The following BNC2 variants were observed in gnomAD, a reference collection of about 807,000 sequenced individuals.
The protein encoded by BNC2 is zinc finger protein basonuclin-2.
A neutral mutation model predicts 76.3 loss-of-function variants in BNC2; 20 were observed. The observed-to-expected ratio is 0.26, with a 90% CI of 0.18 to 0.38. The LOEUF (loss-of-function observed/expected upper bound fraction) is 0.38, where lower values mean the gene tolerates loss of function less well. BNC2 is among the 10% of genes least tolerant of loss of function. The pLI is 1.00. For missense variants in BNC2, 1,382 were observed against 1,399.8 expected, an observed-to-expected ratio of 0.99 and a Z score of 0.20; for synonymous variants, 582 against 514.8, an observed-to-expected ratio of 1.13 and a Z score of -1.77.
intron 1 of BNC2, among the ~76,000 whole-genome samples, chr9:16,791,867 C>T (rs12380481): frequency 0.11 from 17,429 of 152,154 alleles, 1,235 homozygotes; most frequent in Admixed American, 0.23. Context: ...CTTTGGGAAG[C>T]CAAGGCAGGT....
At chr9:16,637,190 A>G (rs1303647715) in intron 3 of BNC2, among the ~76,000 whole-genome samples, 1 of 152,170 alleles carries the variant, frequency 6.6e-6, no homozygotes, top group Non-Finnish European at 1.5e-5. Flanking sequence ...AAAATTACTC[A>G]ATAACAATCC....
At chr9:16,591,800 G>C (rs1044416113) in intron 3 of BNC2, among the ~76,000 whole-genome samples, 4 of 152,020 alleles carry the variant, frequency 2.6e-5, no homozygotes, top group African/African-American at 9.7e-5. Context: ...TCTCTTATTT[G>C]GTGGTAACCA....
chr9:16,587,012 C>T (rs1819791334), intron 3 of BNC2, among the ~76,000 whole-genome samples: 1 of 152,120 alleles, frequency 6.6e-6, no homozygotes, highest in Admixed American at 6.5e-5. Context: ...AGACACTGTG[C>T]TACAGAGTTT....
chr9:16,847,119 T>G (rs971381994), intron 1 of BNC2, among the ~76,000 whole-genome samples: 1 of 152,146 alleles, frequency 6.6e-6, no homozygotes, highest in African/African-American at 2.4e-5. Flanking sequence ...TGTGAAGATG[T>G]ATGCTGCGGT....
intron 1 of BNC2, among the ~76,000 whole-genome samples, chr9:16,751,652 A>ATATATATGTATATATATGAGTG (rs775227367): frequency 1.1e-5 from 1 of 86,958 alleles, no homozygotes; most frequent in Non-Finnish European, 1.8e-5. Flanking sequence ...GTATGTGTGT[A>ATATATATGTATATATATGAGTG]TATATATATG....
rs1821009788 is a variant in BNC2, at chr9:16,436,209, T to C, written c.1985A>G (p.Asp662Gly). The C allele has an allele frequency of 1.2e-6, 2 of 1,614,074 alleles. No individual in the cohort carries two copies. Among genetic ancestry groups the C allele is most frequent in the Non-Finnish European group, 1.7e-6 (2 of 1,180,008 alleles). Reference protein sequence around the residue: ...EFDDEDDDPNDGGAVVNDMSH... With the variant: ...EFDDEDDDPNGGGAVVNDMSH... ...CATGTCATTGACCACAGCTCCACCATCATTGGGGTCATCATCTTCATCATC... is the reference window on the plus strand; with the variant it reads ...CATGTCATTGACCACAGCTCCACCACCATTGGGGTCATCATCTTCATCATC... The change falls in exon 6 of 7, where the codon GAT becomes GGT. Residue 662 changes from aspartate to glycine, a missense_variant. Asp to Gly is a moderately conservative substitution (Grantham distance 94). Transcript: ENST00000380672.
At chr9:16,595,238 T>C (rs1820033991) in intron 3 of BNC2, among the ~76,000 whole-genome samples, 1 of 152,164 alleles carries the variant, frequency 6.6e-6, no homozygotes, top group South Asian at 2.1e-4. Context: ...AACATTTTAA[T>C]ACCTTCTATT....
intron 1 of BNC2, among the ~76,000 whole-genome samples, chr9:16,865,967 T>C (rs1427417992): frequency 6.6e-6 from 1 of 152,150 alleles, no homozygotes; most frequent in Non-Finnish European, 1.5e-5. Flanking sequence ...ATAAAGACTT[T>C]TATTGGCTAG....
At chr9:16,575,049 G>A (rs941114895) in intron 4 of BNC2, among the ~76,000 whole-genome samples, 1 of 152,178 alleles carries the variant, frequency 6.6e-6, no homozygotes, top group Non-Finnish European at 1.5e-5. Flanking sequence ...CTTATTAAGT[G>A]TATACTATGT....
chr9:16,504,048 G>A (rs746683070), intron 5 of BNC2, among the ~76,000 whole-genome samples: 4 of 151,894 alleles, frequency 2.6e-5, no homozygotes, highest in Admixed American at 6.6e-5. Flanking sequence ...CAGGCAAGTC[G>A]GAATCCATAT....
chr9:16,636,251 GGTCTGACCATCCATA>G, intron 3 of BNC2, among the ~76,000 whole-genome samples: 1 of 152,020 alleles, frequency 6.6e-6, no homozygotes, highest in South Asian at 2.1e-4. Context: ...AAAATAAGAA[GGTCTGACCATCCATA>G]GTTCATGGTT....
intron 5 of BNC2, among the ~76,000 whole-genome samples, chr9:16,447,890 C>T (rs1182028638): frequency 1.3e-5 from 2 of 151,968 alleles, no homozygotes; most frequent in African/African-American, 4.8e-5. Flanking sequence ...TACAGAAGAC[C>T]CTCACCTCAA....
intron 1 of BNC2, among the ~76,000 whole-genome samples, chr9:16,804,524 C>T (rs547363998): frequency 1.2e-4 from 18 of 152,260 alleles, no homozygotes; most frequent in African/African-American, 3.6e-4. Flanking sequence ...AGCACATGAC[C>T]GCTCATGAAA....
At position 16,611,626 on chromosome 9, in the gene BNC2, A is replaced by G. The variant is rs181976640; in HGVS notation, c.331-28541T>C. ...CAACAACAAAAAAATTCAAGGTAAAAAAAAGGTCTCACTTTACACTCTGAT... is the reference window on the plus strand; with the variant it reads ...CAACAACAAAAAAATTCAAGGTAAAGAAAAGGTCTCACTTTACACTCTGAT... On this transcript the variant is annotated intron_variant, in intron 3 of 6. Coordinates refer to ENST00000380672, the MANE Select transcript of BNC2 (RefSeq NM_017637.6). Among the ~76,000 whole-genome samples, 2 of 152,280 alleles carry G rather than the reference A, an allele frequency of 1.3e-5. 1 individual carries two copies. The highest frequency in any genetic ancestry group is 3.9e-4 in the East Asian group (2 of 5,178).
intron 3 of BNC2, among the ~76,000 whole-genome samples, chr9:16,706,961 G>C (rs367782499): frequency 6.6e-6 from 1 of 152,228 alleles, no homozygotes; most frequent in African/African-American, 2.4e-5. Flanking sequence ...CCAGCACTTT[G>C]GGAGGCCGAG....
chr9:16,510,422 A>T (rs1346757919), intron 5 of BNC2, among the ~76,000 whole-genome samples: 2 of 152,192 alleles, frequency 1.3e-5, no homozygotes, highest in African/African-American at 2.4e-5. Flanking sequence ...ATTAGGATAT[A>T]AAAAGGCAGG....
intron 1 of BNC2, among the ~76,000 whole-genome samples, chr9:16,799,806 G>A (rs1483522844): frequency 1.3e-5 from 2 of 152,028 alleles, no homozygotes; most frequent in Non-Finnish European, 2.9e-5. Flanking sequence ...GAATATAAGC[G>A]GTAACCTTGT....
chr9:16,484,884 T>C (rs1822128978), intron 5 of BNC2, among the ~76,000 whole-genome samples: 1 of 152,066 alleles, frequency 6.6e-6, no homozygotes, highest in Non-Finnish European at 1.5e-5. Flanking sequence ...ATGGGGGAGA[T>C]TACTAATAGG....
intron 4 of BNC2, among the ~76,000 whole-genome samples, chr9:16,556,935 A>T (rs1694871202): frequency 1.3e-5 from 2 of 152,144 alleles, no homozygotes; most frequent in Admixed American, 1.3e-4. Context: ...TATCCATGGA[A>T]CTATGATACA....
Sources: allele counts gnomAD v4.1 joint callset (sites outside exome capture counted in the v4.1 genomes callset), GRCh38; gene constraint gnomAD v4.1.1; transcripts MANE v1.5; gene names NCBI Gene and HGNC (gene_info 2026-07-23, HGNC 2026-07-21).